ASCC1: variants seen among roughly 807,000 people sequenced by gnomAD.
ASCC1 encodes the protein ASC-1 complex subunit P50.
ASCC1 carries 35 observed loss-of-function variants against 46.6 expected under a neutral mutation model. The observed-to-expected ratio is 0.75, with a 90% CI of 0.57 to 0.99. The LOEUF (loss-of-function observed/expected upper bound fraction) is 0.99. Ranked by LOEUF, ASCC1 falls within the 50% of genes least tolerant of loss-of-function variation. The pLI, the probability that ASCC1 is intolerant of heterozygous loss-of-function variation, is 0.00. For missense variants in ASCC1, 376 were observed against 428.7 expected (o/e 0.88, Z 1.09); for synonymous variants, 143 against 146.6 (o/e 0.98, Z 0.18).
rs796960230 is a variant in ASCC1, at chr10:72,111,535, G to A, written c.958-14085C>T. On this transcript the variant is annotated intron_variant, in intron 9 of 9. Coordinates refer to ENST00000672957, the MANE Select transcript of ASCC1 (RefSeq NM_001198800.3). ...ACCTACAACTGAGAGAATAAACTCT[G>A]AATTGAATTTCTGATTATACCATTT... Among the ~76,000 whole-genome samples, 5 of 152,050 alleles carry A rather than the reference G, an allele frequency of 3.3e-5. No homozygotes were observed. In the East Asian group the frequency reaches 9.6e-4, roughly 29 times the overall value.
rs537707740 is a variant in ASCC1, at chr10:72,182,565, G to A, written c.489+14246C>T. On this transcript the variant is annotated intron_variant, in intron 5 of 9. Transcript: ENST00000672957. ...ACAAAAAAAGGCTAGATACTATATG[G>A]GATAAATATATATAAGGAAAAAAGT... 2.6e-5 allele frequency among the ~76,000 whole-genome samples: 4 copies of A among 152,022 alleles called. No homozygotes were observed. The East Asian group carries it at 7.7e-4, about 29-fold the overall frequency.
chr10:72,208,503 T>TA (rs1014554065), intron 3 of ASCC1, among the ~76,000 whole-genome samples: 1 of 152,128 alleles, frequency 6.6e-6, no homozygotes, highest in Non-Finnish European at 1.5e-5. Context: ...CTCACGCCTG[T>TA]AATCCCAACA....
intron 9 of ASCC1, among the ~76,000 whole-genome samples, chr10:72,127,391 T>C (rs544514063): frequency 2.0e-5 from 3 of 152,300 alleles, no homozygotes; most frequent in South Asian, 2.1e-4. Context: ...TTACATTTCA[T>C]AGATTAATTC....
At chr10:72,098,103 T>C (rs907527125) in intron 9 of ASCC1, among the ~76,000 whole-genome samples, 9 of 152,176 alleles carry the variant, frequency 5.9e-5, no homozygotes, top group African/African-American at 2.2e-4. Flanking sequence ...AATAAATACT[T>C]TTTGCTATGA....
At chr10:72,170,593 C>CAAAAAAAAAA (rs1038487604) in intron 5 of ASCC1, among the ~76,000 whole-genome samples, 3 of 58,866 alleles carry the variant, frequency 5.1e-5, no homozygotes, top group African/African-American at 1.5e-4. Context: ...GACTGTATCT[C>CAAAAAAAAAA]AAAAAAAAAA....
At chr10:72,205,979 C>T (rs1228802034) in intron 3 of ASCC1, among the ~76,000 whole-genome samples, 1 of 151,768 alleles carries the variant, frequency 6.6e-6, no homozygotes, top group Non-Finnish European at 1.5e-5. Flanking sequence ...TGGCAGATGC[C>T]TGTAATGCCA....
chr10:72,135,852 T>C (rs1397036043), intron 7 of ASCC1, among the ~76,000 whole-genome samples: 1 of 152,166 alleles, frequency 6.6e-6, no homozygotes, highest in Non-Finnish European at 1.5e-5. Context: ...CTCCTGAGTA[T>C]TTGAGAGATT....
chr10:72,104,815 G>A (rs1231567682), intron 9 of ASCC1, among the ~76,000 whole-genome samples: 1 of 152,180 alleles, frequency 6.6e-6, no homozygotes, highest in Middle Eastern at 3.4e-3. Flanking sequence ...ACTGCCAATC[G>A]CTGTGATATA....
At chr10:72,170,421 T>C (rs1369602425) in intron 5 of ASCC1, among the ~76,000 whole-genome samples, 1 of 151,674 alleles carries the variant, frequency 6.6e-6, no homozygotes, top group South Asian at 2.1e-4. Flanking sequence ...AGATCAAAAG[T>C]GAGAAGCATT....
chr10:72,191,656 C>CT (rs976887800), intron 5 of ASCC1, among the ~76,000 whole-genome samples: 37 of 150,398 alleles, frequency 2.5e-4, no homozygotes, highest in African/African-American at 3.9e-4. Flanking sequence ...AAAAAATTTT[C>CT]TTTTTTTTTG....
chr10:72,133,477 T>G, intron 7 of ASCC1: 1 of 372,900 alleles, frequency 2.7e-6, no homozygotes, highest in Non-Finnish European at 5.1e-6. Context: ...TTAGACATAG[T>G]CTGGAATGAT....
intron 7 of ASCC1, among the ~76,000 whole-genome samples, chr10:72,140,855 C>G (rs1846880299): frequency 6.6e-6 from 1 of 152,130 alleles, no homozygotes; most frequent in African/African-American, 2.4e-5. Context: ...CATCTTTTCA[C>G]CAAACGCTCA....
Position 72,109,918 on chromosome 10 carries a change from G to A in ASCC1, c.958-12468C>T, listed in dbSNP as rs113503485. On this transcript the variant is annotated intron_variant, in intron 9 of 9. Coordinates refer to ENST00000672957, the MANE Select transcript of ASCC1 (RefSeq NM_001198800.3). The stretch of plus-strand genomic sequence containing the variant: ...CACACTCCGCCCGTTTCCACATTAC[G>A]TCACAGAATTAGCCTCAGAGATGAG... 3.0e-3 allele frequency among the ~76,000 whole-genome samples: 451 copies of A among 152,312 alleles called. 3 individuals are homozygous for A. The highest frequency in any genetic ancestry group is 9.9e-3 in the African/African-American group (411 of 41,572).
intron 9 of ASCC1, among the ~76,000 whole-genome samples, chr10:72,112,747 C>T (rs1269552237): frequency 1.3e-5 from 2 of 151,800 alleles, no homozygotes; most frequent in Non-Finnish European, 2.9e-5. Context: ...GGCATGGTGG[C>T]ACACGCCTGT....
At chr10:72,147,473 G>A (rs769941254) in intron 7 of ASCC1, among the ~76,000 whole-genome samples, 12 of 152,036 alleles carry the variant, frequency 7.9e-5, no homozygotes, top group Non-Finnish European at 1.0e-4. Flanking sequence ...GGCTGATCTC[G>A]AACTCCTGAC....
At chr10:72,212,435 T>C (rs1397054537) in intron 2 of ASCC1, 1 of 152,602 alleles carries the variant, frequency 6.6e-6, no homozygotes, top group Non-Finnish European at 1.5e-5. Context: ...AGGATGTGTG[T>C]AGATTACATG....
intron 5 of ASCC1, among the ~76,000 whole-genome samples, chr10:72,193,691 T>G (rs1371075774): frequency 6.6e-6 from 1 of 152,140 alleles, no homozygotes; most frequent in Non-Finnish European, 1.5e-5. Context: ...TTAATTATAA[T>G]AATGTTGAAG....
chr10:72,127,633 G>A (rs1443518116), intron 9 of ASCC1, among the ~76,000 whole-genome samples: 1 of 149,318 alleles, frequency 6.7e-6, no homozygotes, highest in African/African-American at 2.5e-5. Flanking sequence ...TTATTTCTAT[G>A]AATCCAAGTG....
intron 5 of ASCC1, among the ~76,000 whole-genome samples, chr10:72,181,594 A>G (rs955027126): frequency 2.6e-5 from 4 of 152,034 alleles, no homozygotes; most frequent in Admixed American, 6.6e-5. Flanking sequence ...TGAACCATAC[A>G]TGAGACTTAA....
Sources: gnomAD v4.1 joint callset for allele counts (sites outside exome capture counted in the v4.1 genomes callset) on GRCh38, gnomAD v4.1.1 for gene constraint, MANE v1.5 for transcripts, NCBI Gene and HGNC (gene_info 2026-07-23, HGNC 2026-07-21) for gene names.